The following TAS2R46 variants were observed in gnomAD, a reference collection of about 807,000 sequenced individuals.
The protein encoded by TAS2R46 is taste 2 receptor member 46.
For synonymous variants in TAS2R46, 123 were observed against 121.8 expected, an observed-to-expected ratio of 1.01 and a Z score of -0.07; for missense variants, 361 against 347.4, an observed-to-expected ratio of 1.04 and a Z score of -0.31.
chr12:11,062,211 T>A lies in TAS2R46; in HGVS notation c.84A>T (p.Ala28=). Residue 28 remains alanine, a synonymous_variant, in exon 1 of 1, where the codon GCA becomes GCT. Transcript: ENST00000533467. ...VIGNFANGFI[A]LVNSIEWFKR... ...TGAACCACTCAATGGAATTTACCAA[T>A]GCTATGAAGCCATTAGCAAAATTTC... 6.3e-7 allele frequency: 1 copy of A among 1,598,742 alleles called. No homozygotes were observed. The highest frequency in any genetic ancestry group is 8.6e-7 in the Non-Finnish European group (1 of 1,168,942).
In TAS2R46 at chr12:11,062,235, T is replaced by C; in HGVS notation, c.60A>G (p.Gly20=). The change falls in exon 1 of 1, where the codon GGA becomes GGG. Residue 20 remains glycine, a synonymous_variant. Coordinates refer to ENST00000533467, the MANE Select transcript of TAS2R46 (RefSeq NM_176887.2). ...ATGCTATGAAGCCATTAGCAAAATT[T>C]CCAATCACAAATGTAACCACTATTA... The part of the protein sequence containing the change: ...SILIVVTFVI[G]NFANGFIALV... The C allele has an allele frequency of 1.9e-6, 3 of 1,613,130 alleles. No homozygotes were observed. Among genetic ancestry groups the C allele is most frequent in the East Asian group, 4.5e-5 (2 of 44,860 alleles).
Position 11,062,106 on chromosome 12 carries a change from T to C in TAS2R46, c.189A>G (p.Val63=), listed in dbSNP as rs374434347. The change falls in exon 1 of 1, where the codon GTA becomes GTG. Residue 63 remains valine, a synonymous_variant. Transcript: ENST00000533467. Reference sequence around the variant, plus strand: ...TCAACTCAGTTGCATACCAATTTAATACTAATACCCAGAGTAAACCAACTC... The same window carrying C: ...TCAACTCAGTTGCATACCAATTTAACACTAATACCCAGAGTAAACCAACTC... ...VSRVGLLWVL[V]LNWYATELNP... is the part of the protein sequence containing the mutation. The C allele has an allele frequency of 8.1e-6, 13 of 1,613,674 alleles. No homozygotes were observed. The highest frequency in any genetic ancestry group is 2.7e-5 in the African/African-American group (2 of 75,010).
Position 11,061,450 on chromosome 12 carries a change from C to A in TAS2R46, c.845G>T (p.Gly282Val), listed in dbSNP as rs1285816495. The change falls in exon 1 of 1, where the codon GGA (glycine) becomes GTA (valine). Residue 282 changes from glycine to valine, a missense_variant. Coordinates refer to ENST00000533467, the MANE Select transcript of TAS2R46 (RefSeq NM_176887.2). ...PSTHPFILIWGNKKLKQTFLS... is the reference protein window; with the variant it reads ...PSTHPFILIWVNKKLKQTFLS... ...AAAAGTCTGCTTTAGCTTCTTGTTT[C>A]CCCAAATCAGGATGAATGGGTGGGT... The A allele has an allele frequency of 1.2e-6, 2 of 1,614,124 alleles. No individual in the cohort carries two copies. Among genetic ancestry groups the A allele is most frequent in the African/African-American group, 2.7e-5 (2 of 75,044 alleles).
chr12:11,061,479 A>C lies in TAS2R46; in HGVS notation c.816T>G (p.Pro272=), dbSNP rs1399501435. ...MFCEAIAFSY[P]STHPFILIWG... is the part of the protein sequence containing the mutation. ...AAATCAGGATGAATGGGTGGGTTGA[A>C]GGATAGCTGAATGCAATAGCTTCGC... is the stretch of plus-strand genomic sequence containing the variant. Residue 272 remains proline, a synonymous_variant, in exon 1 of 1, where the codon CCT becomes CCG. Coordinates refer to ENST00000533467, the MANE Select transcript of TAS2R46 (RefSeq NM_176887.2). The C allele has an allele frequency of 6.2e-7, 1 of 1,614,172 alleles. No homozygotes were observed. The highest frequency in any genetic ancestry group is 1.7e-5 in the Admixed American group (1 of 60,028).
At position 11,061,923 on chromosome 12, in the gene TAS2R46, T is replaced by C; in HGVS notation, c.372A>G (p.Arg124=). The change falls in exon 1 of 1, where the codon AGA becomes AGG. Residue 124 remains arginine (R), a synonymous_variant. Transcript: ENST00000533467. ...GTATCACCAGAACAACACTCTTAAC[T>C]CTCCTCTTTAAGTGAAGAAAAATAA... The part of the protein sequence containing the change: ...SNLIFLHLKR[R]VKSVVLVILL... 1.9e-6 allele frequency: 3 copies of C among 1,613,886 alleles called. No individual in the cohort carries two copies. Among genetic ancestry groups the C allele is most frequent in the Non-Finnish European group, 1.7e-6 (2 of 1,179,920 alleles).
rs746135567 is a variant in TAS2R46 at position 11,062,228 on chromosome 12, C to A, written c.67G>T (p.Ala23Ser). 6.8e-6 allele frequency: 11 copies of A among 1,613,156 alleles called. No individual in the cohort carries two copies. In the South Asian group the frequency reaches 1.1e-4, roughly 16 times the overall value. Residue 23 changes from alanine (A) to serine (S), a missense_variant, in exon 1 of 1, where the codon GCT (alanine) becomes TCT (serine). Ala to Ser is a moderately conservative substitution (Grantham distance 99). Transcript: ENST00000533467. ...IVVTFVIGNF[A>S]NGFIALVNSI... ...TTTACCAATGCTATGAAGCCATTAGCAAAATTTCCAATCACAAATGTAACC... is the reference window on the plus strand; with the variant it reads ...TTTACCAATGCTATGAAGCCATTAGAAAAATTTCCAATCACAAATGTAACC...
Position 11,062,074 on chromosome 12 carries a change from G to A in TAS2R46, c.221C>T (p.Ala74Val), listed in dbSNP as rs775795526. Residue 74 changes from alanine (A) to valine (V), a missense_variant, in exon 1 of 1, where the codon GCT becomes GTT. Physicochemically the swap from Ala to Val is moderately conservative, Grantham distance 64. Transcript: ENST00000533467. ...LNWYATELNP[A>V]FNSIEVRITA... ...AATTCTTACTTCTATACTGTTAAAA[G>A]CTGGATTCAACTCAGTTGCATACCA... 1.7e-5 allele frequency: 28 copies of A among 1,613,644 alleles called. No homozygotes were observed. Among genetic ancestry groups the A allele is most frequent in the Non-Finnish European group, 2.4e-5 (28 of 1,179,798 alleles).
At position 11,062,072 on chromosome 12, in the gene TAS2R46, A is replaced by G; in HGVS notation, c.223T>C (p.Phe75Leu). ...NWYATELNPA[F>L]NSIEVRITAY... ...GTAATTCTTACTTCTATACTGTTAA[A>G]AGCTGGATTCAACTCAGTTGCATAC... The change falls in exon 1 of 1, where the codon TTT (phenylalanine) becomes CTT (leucine). Residue 75 changes from phenylalanine (F) to leucine (L), a missense_variant. By Grantham distance (22) the Phe-to-Leu change is conservative. Coordinates refer to ENST00000533467, the MANE Select transcript of TAS2R46 (RefSeq NM_176887.2). 5 of 1,613,698 alleles carry G rather than the reference A, an allele frequency of 3.1e-6. No homozygotes were observed. Among genetic ancestry groups the G allele is most frequent in the Non-Finnish European group, 4.2e-6 (5 of 1,179,804 alleles).
chr12:11,061,538 CA>C, the TAS2R46 span: 1 of 1,465,048 alleles, frequency 6.8e-7, no homozygotes, highest in Non-Finnish European at 9.2e-7. Flanking sequence ...TCCAGACTCT[CA>C]AAACTCCAAA....
rs1358949835 is a variant in TAS2R46 at position 11,061,790 on chromosome 12, T to A, written c.505A>T (p.Arg169Trp). 5 of 1,614,036 alleles carry A rather than the reference T, an allele frequency of 3.1e-6. No individual in the cohort carries two copies. Among genetic ancestry groups the A allele is most frequent in the East Asian group, 2.2e-5 (1 of 44,902 alleles). Reference sequence around the variant, plus strand: ...GTATTTGAAAGGTACATTGCACTCCTCAGTTTGATCTTCCAAGTCATGTTT... The same window carrying A: ...GTATTTGAAAGGTACATTGCACTCCACAGTTTGATCTTCCAAGTCATGTTT... ...EGNMTWKIKL[R>W]SAMYLSNTTV... Residue 169 changes from arginine (R) to tryptophan (W), a missense_variant, in exon 1 of 1, where the codon AGG becomes TGG. Arg to Trp is a moderately radical substitution (Grantham distance 101). Transcript: ENST00000533467.
In TAS2R46 at chr12:11,062,003, G is replaced by A. The variant is rs773498139; in HGVS notation, c.292C>T (p.Leu98Phe). 1.5e-5 allele frequency: 24 copies of A among 1,613,734 alleles called. No individual in the cohort carries two copies. Among genetic ancestry groups the A allele is most frequent in the Admixed American group, 8.3e-5 (5 of 59,938 alleles). The change falls in exon 1 of 1, where the codon CTT becomes TTT. Residue 98 changes from leucine to phenylalanine, a missense_variant. Coordinates refer to ENST00000533467, the MANE Select transcript of TAS2R46 (RefSeq NM_176887.2). Reference sequence around the variant, plus strand: ...TAAAATATGCTGAGGCTAGTAGCAAGCCAGTTGCTGAAATGGTTGATTACT... The same window carrying A: ...TAAAATATGCTGAGGCTAGTAGCAAACCAGTTGCTGAAATGGTTGATTACT... Reference protein sequence around the residue: ...WAVINHFSNWLATSLSIFYLL... With the variant: ...WAVINHFSNWFATSLSIFYLL...
rs774802527 is a variant in TAS2R46, at chr12:11,061,453, C to G, written c.842G>C (p.Trp281Ser). ...AGTCTGCTTTAGCTTCTTGTTTCCC[C>G]AAATCAGGATGAATGGGTGGGTTGA... ...YPSTHPFILI[W>S]GNKKLKQTFL... is the part of the protein sequence containing the mutation. Residue 281 changes from tryptophan to serine, a missense_variant, in exon 1 of 1, where the codon TGG (tryptophan) becomes TCG (serine). Transcript: ENST00000533467. 1.9e-6 allele frequency: 3 copies of G among 1,613,986 alleles called. No individual in the cohort carries two copies. The African/African-American group carries it at 4.0e-5, about 22-fold the overall frequency.
Position 11,061,805 on chromosome 12 carries a change from A to G in TAS2R46, c.490T>C (p.Trp164Arg). Residue 164 changes from tryptophan (W) to arginine (R), a missense_variant, in exon 1 of 1, where the codon TGG (tryptophan) becomes CGG (arginine). Trp to Arg is a moderately radical substitution (Grantham distance 101, BLOSUM62 -3). Transcript: ENST00000533467. ...ATTGCACTCCTCAGTTTGATCTTCC[A>G]AGTCATGTTTCCTTCATATTCTTTT... ...WTKEYEGNMTWKIKLRSAMYL... is the reference protein window; with the variant it reads ...WTKEYEGNMTRKIKLRSAMYL... 6.2e-7 allele frequency: 1 copy of G among 1,614,176 alleles called. No individual in the cohort carries two copies. The highest frequency in any genetic ancestry group is 8.5e-7 in the Non-Finnish European group (1 of 1,179,996).
the TAS2R46 span, chr12:11,061,546 CA>C: frequency 6.2e-7 from 1 of 1,606,454 alleles, no homozygotes; most frequent in Non-Finnish European, 8.5e-7. Context: ...CTCAAAACTC[CA>C]AACTGACATG....
At chr12:11,062,190 C>T in the TAS2R46 span, 3 of 1,613,504 alleles carry the variant, frequency 1.9e-6, no homozygotes, top group Admixed American at 5.0e-5. Context: ...GTCTCTTGAA[C>T]CACTCAATGG....
Position 11,061,401 on chromosome 12 carries a change from C to A in TAS2R46, c.894G>T (p.Arg298Ser), listed in dbSNP as rs778835386. 4.8e-5 allele frequency: 77 copies of A among 1,613,892 alleles called. No homozygotes were observed. The East Asian group carries it at 1.6e-3, about 33-fold the overall frequency. Residue 298 changes from arginine to serine, a missense_variant, in exon 1 of 1, where the codon AGG becomes AGT. Transcript: ENST00000533467. ...AAGGCTTCTCTCCTTTCACCCAGTA[C>A]CTCACATGCCACAAAACTGAAAGAA... is the stretch of plus-strand genomic sequence containing the variant. Reference protein sequence around the residue: ...QTFLSVLWHVRYWVKGEKPSS... With the variant: ...QTFLSVLWHVSYWVKGEKPSS...
chr12:11,061,785 A>C lies in TAS2R46; in HGVS notation c.510T>G (p.Ser170Arg), dbSNP rs377411404. Residue 170 changes from serine to arginine, a missense_variant, in exon 1 of 1, where the codon AGT (serine) becomes AGG (arginine). By Grantham distance (110) the Ser-to-Arg change is moderately radical (BLOSUM62 -1). Coordinates refer to ENST00000533467, the MANE Select transcript of TAS2R46 (RefSeq NM_176887.2). ...GNMTWKIKLR[S>R]AMYLSNTTVT... ...CCGTTGTATTTGAAAGGTACATTGC[A>C]CTCCTCAGTTTGATCTTCCAAGTCA... The C allele has an allele frequency of 1.1e-4, 173 of 1,614,004 alleles. No individual in the cohort carries two copies. The highest frequency in any genetic ancestry group is 2.9e-4 in the East Asian group (13 of 44,888).
rs1471732650 is a variant in TAS2R46, at chr12:11,061,940, G to T, written c.355C>A (p.Leu119Ile). Residue 119 changes from leucine to isoleucine, a missense_variant, in exon 1 of 1, where the codon CTT (leucine) becomes ATT (isoleucine). Physicochemically the swap from Leu to Ile is conservative, Grantham distance 5. Coordinates refer to ENST00000533467, the MANE Select transcript of TAS2R46 (RefSeq NM_176887.2). ...KIANFSNLIF[L>I]HLKRRVKSVV... ...CTCTTAACTCTCCTCTTTAAGTGAA[G>T]AAAAATAAGGTTGGAGAAATTGGCA... 1.2e-6 allele frequency: 2 copies of T among 1,613,850 alleles called. No individual in the cohort carries two copies. The highest frequency in any genetic ancestry group is 2.2e-5 in the South Asian group (2 of 91,076).
chr12:11,061,447 T>G lies in TAS2R46; in HGVS notation c.848A>C (p.Asn283Thr), dbSNP rs1223793934. The G allele has an allele frequency of 6.2e-7, 1 of 1,614,150 alleles. No individual in the cohort carries two copies. The highest frequency in any genetic ancestry group is 8.5e-7 in the Non-Finnish European group (1 of 1,179,968). The change falls in exon 1 of 1, where the codon AAC (asparagine) becomes ACC (threonine). Residue 283 changes from asparagine to threonine, a missense_variant. Physicochemically the swap from Asn to Thr is moderately conservative, Grantham distance 65 (BLOSUM62 0). Coordinates refer to ENST00000533467, the MANE Select transcript of TAS2R46 (RefSeq NM_176887.2). ...STHPFILIWGNKKLKQTFLSV... is the reference protein window; with the variant it reads ...STHPFILIWGTKKLKQTFLSV... ...AAGAAAAGTCTGCTTTAGCTTCTTGTTTCCCCAAATCAGGATGAATGGGTG... is the reference window on the plus strand; with the variant it reads ...AAGAAAAGTCTGCTTTAGCTTCTTGGTTCCCCAAATCAGGATGAATGGGTG...
Sources: gnomAD v4.1 joint callset for allele counts on GRCh38, gnomAD v4.1.1 for gene constraint, MANE v1.5 for transcripts, NCBI Gene and HGNC (gene_info 2026-07-23, HGNC 2026-07-21) for gene names.